ADPRHL1: variants seen among roughly 807,000 people sequenced by gnomAD.
The protein encoded by ADPRHL1 is inactive ADP-ribosyltransferase ARH2.
Under a neutral mutation model 44.1 loss-of-function variants are expected in ADPRHL1, and 43 were observed. That is an observed-to-expected ratio of 0.98 (90% confidence interval 0.76 to 1.26). ADPRHL1 has a LOEUF of 1.26. ADPRHL1 is among the 50% of genes most tolerant of loss of function. ADPRHL1 has a pLI of 0.00. For synonymous variants in ADPRHL1, 878 were observed against 1,017.4 expected, an observed-to-expected ratio of 0.86 and a Z score of 2.61; for missense variants, 2,022 against 2,496.9, an observed-to-expected ratio of 0.81 and a Z score of 4.05.
At position 113,404,855 on chromosome 13, in the gene ADPRHL1, G is replaced by A; in HGVS notation, c.4427C>T (p.Pro1476Leu). ...GGCTGCCGGGCTTCCCGGCCCCTCG[G>A]GCTCCCCTGGAGGCACAGCTGGGTT... The part of the protein sequence containing the change: ...ARNPAVPPGE[P>L]EGPGSPAAQG... Residue 1476 changes from proline (P) to leucine (L), a missense_variant, in exon 8 of 8, where the codon CCC becomes CTC. Transcript: ENST00000612156. The A allele has an allele frequency of 8.0e-7, 1 of 1,248,474 alleles. No individual in the cohort carries two copies. The highest frequency in any genetic ancestry group is 1.0e-6 in the Non-Finnish European group (1 of 999,072). The allele number at this position is 1,248,474 out of a possible 1,614,324, so 77.3% of individuals were successfully genotyped here. A position where few individuals can be genotyped will look rare whatever the true frequency, so the allele number is the denominator to read the frequency against.
At chr13:113,421,390 G>A (rs1354799277) in intron 7 of ADPRHL1, among the ~76,000 whole-genome samples, 3 of 37,360 alleles carry the variant, frequency 8.0e-5, no homozygotes, top group South Asian at 7.4e-4. Flanking sequence ...GCCCACCCCC[G>A]GGACTTGCCC....
At position 113,400,306 on chromosome 13, in the gene ADPRHL1, C is replaced by G. The variant is rs1443987498; in HGVS notation, c.*3072G>C. 1 of 151,246 alleles carries G rather than the reference C, an allele frequency of 6.6e-6. No individual in the cohort carries two copies. The highest frequency in any genetic ancestry group is 2.4e-5 in the African/African-American group (1 of 41,238). 9.4% of individuals were successfully genotyped at this position (151,246 alleles called of 1,614,324 possible). A position where few individuals can be genotyped will look rare whatever the true frequency, so the allele number is the denominator to read the frequency against. On this transcript the variant is annotated 3_prime_UTR_variant, in exon 8 of 8. Coordinates refer to ENST00000612156, the MANE Select transcript of ADPRHL1 (RefSeq NM_001394807.1). ...GACTACAGGCACCCACCACCACGCC[C>G]GGCTAATTTTTGTATTTTTAGTAGA...
chr13:113,405,436 A>G lies in ADPRHL1; in HGVS notation c.3846T>C (p.Tyr1282=), dbSNP rs2043800691. ...GAGGCGACGGCGGGAGGCCAGGGCC[A>G]TAGCTGGGGGACTCTGCCACGCTCC... ...QARSVAESPS[Y]GPGLPPSPPE... Residue 1282 remains tyrosine (Y), a synonymous_variant, in exon 8 of 8, where the codon TAT becomes TAC. Transcript: ENST00000612156. 7 of 1,231,976 alleles carry G rather than the reference A, an allele frequency of 5.7e-6. No homozygotes were observed. The African/African-American group carries it at 7.7e-5, about 14-fold the overall frequency. 76.3% of individuals were successfully genotyped at this position (1,231,976 alleles called of 1,614,324 possible).
At chr13:113,451,114 G>C (rs2044176573) in intron 1 of ADPRHL1, among the ~76,000 whole-genome samples, 1 of 152,192 alleles carries the variant, frequency 6.6e-6, no homozygotes, top group Non-Finnish European at 1.5e-5. Flanking sequence ...ATAACAGAAG[G>C]CTCGCACTCT....
Position 113,406,021 on chromosome 13 carries a change from G to T in ADPRHL1, c.3261C>A (p.Ile1087=). ...GGTTCTCGCGAACATCATGGCTGGT[G>T]ATTTCCTCGGCAGCCTTCAGGGGCT... The part of the protein sequence containing the change: ...SSQPLKAAEE[I]TSHDVRENPL... Residue 1087 remains isoleucine (I), a synonymous_variant, in exon 8 of 8, where the codon ATC becomes ATA. Coordinates refer to ENST00000612156, the MANE Select transcript of ADPRHL1 (RefSeq NM_001394807.1). 8.1e-7 allele frequency: 1 copy of T among 1,232,136 alleles called. No homozygotes were observed. Among genetic ancestry groups the T allele is most frequent in the East Asian group, 3.2e-5 (1 of 31,706 alleles). 76.3% of individuals were successfully genotyped at this position (1,232,136 alleles called of 1,614,324 possible). A position where few individuals can be genotyped will look rare whatever the true frequency, so the allele number is the denominator to read the frequency against.
chr13:113,407,834 G>A lies in ADPRHL1; in HGVS notation c.1448C>T (p.Pro483Leu), dbSNP rs1189709928. ...GGGCTTCTCGCTGAGGCAGGGCTTT[G>A]GGGCCGGCTCCTTGGTCTTCTCCAG... ...KLLEKTKEPA[P>L]KPCLSEKPRW... Residue 483 changes from proline to leucine, a missense_variant, in exon 8 of 8, where the codon CCA becomes CTA. Physicochemically the swap from Pro to Leu is moderately conservative, Grantham distance 98 (BLOSUM62 -3). This residue lies in a region of ADPRHL1 where 1,221 missense variants were observed against 1,517.8 expected (regional missense o/e 0.80). Coordinates refer to ENST00000612156, the MANE Select transcript of ADPRHL1 (RefSeq NM_001394807.1). 4.9e-6 allele frequency: 6 copies of A among 1,231,832 alleles called. No homozygotes were observed. The highest frequency in any genetic ancestry group is 1.6e-5 in the African/African-American group (1 of 64,442). The allele number at this position is 1,231,832 out of a possible 1,614,324, so 76.3% of individuals were successfully genotyped here. A position where few individuals can be genotyped will look rare whatever the true frequency, so the allele number is the denominator to read the frequency against.
At position 113,444,388 on chromosome 13, in the gene ADPRHL1, G is replaced by C. The variant is rs3814256; in HGVS notation, c.379+37C>G. The C allele has an allele frequency of 3.2e-3, 5,145 of 1,605,530 alleles. 283 individuals are homozygous for C. The East Asian group carries it at 0.1, about 31-fold the overall frequency. ...GGTTAGGACCGCAGGGTCCCCAGCA[G>C]GGTGGCTTTAGGGGGAGAGGAGAGG... On this transcript the variant is annotated intron_variant, in intron 2 of 7. Transcript: ENST00000612156.
Position 113,407,865 on chromosome 13 carries a change from T to G in ADPRHL1, c.1417A>C (p.Lys473Gln). 1 of 1,231,878 alleles carries G rather than the reference T, an allele frequency of 8.1e-7. No individual in the cohort carries two copies. The highest frequency in any genetic ancestry group is 1.0e-6 in the Non-Finnish European group (1 of 987,964). The allele number at this position is 1,231,878 out of a possible 1,614,324, so 76.3% of individuals were successfully genotyped here. A position where few individuals can be genotyped will look rare whatever the true frequency, so the allele number is the denominator to read the frequency against. Reference sequence around the variant, plus strand: ...GGCTCCTTGGTCTTCTCCAGGAGCTTGTTGATGGTGGCACCCACGAGGCCC... The same window carrying G: ...GGCTCCTTGGTCTTCTCCAGGAGCTGGTTGATGGTGGCACCCACGAGGCCC... ...GGGLVGATIN[K>Q]LLEKTKEPAP... Residue 473 changes from lysine (K) to glutamine (Q), a missense_variant, in exon 8 of 8, where the codon AAG becomes CAG. Around this residue, in one of 8 missense-constraint regions of ADPRHL1, gnomAD observed 1,221 missense variants for 1,517.8 expected, o/e 0.80. Coordinates refer to ENST00000612156, the MANE Select transcript of ADPRHL1 (RefSeq NM_001394807.1).
At chr13:113,417,087 C>T (rs2043890781) in intron 7 of ADPRHL1, among the ~76,000 whole-genome samples, 1 of 152,218 alleles carries the variant, frequency 6.6e-6, no homozygotes, top group Non-Finnish European at 1.5e-5. Flanking sequence ...AGGTGTCATT[C>T]AAGGACCGTG....
At chr13:113,428,923 T>G (rs2043986359) in intron 4 of ADPRHL1, 29 bp downstream of exon 4, 1 of 1,610,964 alleles carries the variant, frequency 6.2e-7, no homozygotes. Flanking sequence ...CTGCTCTGAG[T>G]GCGGACTGGG....
At chr13:113,420,013 T>C (rs2043907505) in intron 7 of ADPRHL1, among the ~76,000 whole-genome samples, 1 of 152,054 alleles carries the variant, frequency 6.6e-6, no homozygotes, top group South Asian at 2.1e-4. Context: ...GTGAGGAGGC[T>C]CCTGGAAGGA....
chr13:113,435,330 T>C (rs67936373), intron 2 of ADPRHL1, among the ~76,000 whole-genome samples: 97,417 of 109,028 alleles, frequency 0.89, 43,658 homozygotes, highest in East Asian at 0.97. Context: ...GTAGAGTGAA[T>C]ATAGGTGTAG....
chr13:113,424,494 C>G, intron 5 of ADPRHL1, 145 bp from the exon 6 acceptor site: 2 of 1,175,490 alleles, frequency 1.7e-6, no homozygotes, highest in Non-Finnish European at 2.4e-6. Context: ...TGGCTCTGTC[C>G]CCCAGGTTGG....
At position 113,403,825 on chromosome 13, in the gene ADPRHL1, C is replaced by T; in HGVS notation, c.5457G>A (p.Glu1819=). The change falls in exon 8 of 8, where the codon GAG becomes GAA. Residue 1819 remains glutamate, a synonymous_variant. Transcript: ENST00000612156. ...CCTCAGCTATGCCACTAATGGGCTG[C>T]TCCCAGGCCCGAGGCGCCATCCCAC... ...LTSGMAPRAW[E]QPISGIAEGV... 2 of 1,235,378 alleles carry T rather than the reference C, an allele frequency of 1.6e-6. No individual in the cohort carries two copies. The highest frequency in any genetic ancestry group is 3.1e-5 in the East Asian group (1 of 31,756). The allele number at this position is 1,235,378 out of a possible 1,614,324, so 76.5% of individuals were successfully genotyped here.
chr13:113,410,872 G>A (rs138419798), intron 7 of ADPRHL1, among the ~76,000 whole-genome samples: 10 of 152,336 alleles, frequency 6.6e-5, no homozygotes, highest in Admixed American at 3.9e-4. Flanking sequence ...TCCGCCGGGC[G>A]TCTCTGGACA....
intron 7 of ADPRHL1, among the ~76,000 whole-genome samples, chr13:113,415,202 C>G (rs772861160): frequency 7.2e-5 from 11 of 152,184 alleles, no homozygotes; most frequent in African/African-American, 2.7e-4. Flanking sequence ...TGCTGGTCAG[C>G]CTAGAGGGAC....
At chr13:113,452,884 G>A (rs1373382490) in intron 1 of ADPRHL1, among the ~76,000 whole-genome samples, 2 of 152,220 alleles carry the variant, frequency 1.3e-5, no homozygotes, top group African/African-American at 4.8e-5. Context: ...ACGGCCGAGA[G>A]AGGCTTCACT....
intron 3 of ADPRHL1, among the ~76,000 whole-genome samples, chr13:113,429,743 C>T (rs536443033): frequency 2.0e-5 from 3 of 152,296 alleles, no homozygotes; most frequent in South Asian, 2.1e-4. Flanking sequence ...CACACTCAGG[C>T]GTTTCCTGTG....
In ADPRHL1 at chr13:113,429,441, C is replaced by T. The variant is rs369425520; in HGVS notation, c.506-349G>A. On this transcript the variant is annotated intron_variant, in intron 3 of 7. Coordinates refer to ENST00000612156, the MANE Select transcript of ADPRHL1 (RefSeq NM_001394807.1). ...ACGCGATTTGTCCCTTTGTGGCGGG[C>T]GTGTTCCACTCAGGACGCATCCCCA... is the stretch of plus-strand genomic sequence containing the variant. Among the ~76,000 whole-genome samples the T allele has an allele frequency of 4.3e-4, 66 of 152,278 alleles. 1 individual carries two copies. Among genetic ancestry groups the T allele is most frequent in the African/African-American group, 1.2e-3 (51 of 41,578 alleles).
Sources: allele counts gnomAD v4.1 joint callset (sites outside exome capture counted in the v4.1 genomes callset), GRCh38; gene constraint gnomAD v4.1.1; regional missense constraint gnomAD v4.1.1; transcripts MANE v1.5; gene names NCBI Gene and HGNC (gene_info 2026-07-23, HGNC 2026-07-21).